KCNAB1: variants seen among roughly 807,000 people sequenced by gnomAD.
The protein encoded by KCNAB1 is potassium voltage-gated channel subfamily A regulatory beta subunit 1, also known as voltage-gated potassium channel subunit beta-1.
A neutral mutation model predicts 64.6 loss-of-function variants in KCNAB1; 35 were observed. That is an observed-to-expected ratio of 0.54 (90% CI 0.41 to 0.72). The LOEUF is 0.72. KCNAB1 is among the 30% of genes least tolerant of loss of function. The probability of loss-of-function intolerance (pLI) is 0.00; values close to 1 mark genes in which losing one functional copy is unlikely to be tolerated. For synonymous variants in KCNAB1, 177 were observed against 183.8 expected (o/e 0.96, Z 0.30); for missense variants, 401 against 512.9 (o/e 0.78, Z 2.11).
chr3:156,296,411 G>A (rs2107977625), intron 1 of KCNAB1, among the ~76,000 whole-genome samples: 1 of 151,070 alleles, frequency 6.6e-6, no homozygotes, highest in Non-Finnish European at 1.5e-5. Flanking sequence ...GGCATATGAT[G>A]GGCCCCATTT....
chr3:156,127,373 T>G (rs1713720426), intron 1 of KCNAB1, among the ~76,000 whole-genome samples: 1 of 152,250 alleles, frequency 6.6e-6, no homozygotes, highest in African/African-American at 2.4e-5. Context: ...CTGTAATTCT[T>G]GTCATGTTTG....
chr3:156,474,793 C>G lies in KCNAB1; in HGVS notation c.631C>G (p.Arg211Gly). 1 of 1,613,036 alleles carries G rather than the reference C, an allele frequency of 6.2e-7. No homozygotes were observed. The highest frequency in any genetic ancestry group is 1.1e-5 in the South Asian group (1 of 91,022). ...LEYVDVVFAN[R>G]PDSNTPMEEI... ...GTATGTGGATGTGGTCTTTGCAAAT[C>G]GACCGGACAGTAACACTCCCATGGA... The change falls in exon 8 of 14, where the codon CGA (arginine) becomes GGA (glycine). Residue 211 changes from arginine (R) to glycine (G), a missense_variant. Coordinates refer to ENST00000490337, the MANE Select transcript of KCNAB1 (RefSeq NM_172160.3).
At chr3:156,213,129 GTGC>G (rs1329349248) in intron 1 of KCNAB1, among the ~76,000 whole-genome samples, 1 of 152,052 alleles carries the variant, frequency 6.6e-6, no homozygotes, top group Non-Finnish European at 1.5e-5. Context: ...AAGGAGGAAG[GTGC>G]TGTCCTCCTG....
chr3:156,386,517 A>G (rs1453470140), intron 1 of KCNAB1, among the ~76,000 whole-genome samples: 3 of 152,232 alleles, frequency 2.0e-5, no homozygotes, highest in African/African-American at 7.2e-5. Context: ...GGTGTGGACC[A>G]TCAGGAAATG....
intron 1 of KCNAB1, among the ~76,000 whole-genome samples, chr3:156,296,715 C>T (rs951047862): frequency 6.6e-5 from 10 of 152,080 alleles, no homozygotes; most frequent in East Asian, 5.8e-4. Context: ...CCTCGTGATC[C>T]GCCCACCTCG....
intron 1 of KCNAB1, among the ~76,000 whole-genome samples, chr3:156,224,064 C>T (rs1228113760): frequency 6.6e-6 from 1 of 152,210 alleles, no homozygotes; most frequent in African/African-American, 2.4e-5. Context: ...TGAGCCCTGC[C>T]CCGTGGGGAG....
At chr3:156,365,366 T>C (rs889847654) in intron 1 of KCNAB1, among the ~76,000 whole-genome samples, 6 of 152,206 alleles carry the variant, frequency 3.9e-5, no homozygotes, top group African/African-American at 1.2e-4. Context: ...ATTTCTATTT[T>C]CTGTATGGCG....
At chr3:156,429,187 G>A (rs2108239215) in intron 2 of KCNAB1, among the ~76,000 whole-genome samples, 1 of 152,298 alleles carries the variant, frequency 6.6e-6, no homozygotes, top group African/African-American at 2.4e-5. Flanking sequence ...GGAAGTATCA[G>A]GGTTGGAATA....
intron 2 of KCNAB1, among the ~76,000 whole-genome samples, chr3:156,450,952 T>C (rs907439810): frequency 6.6e-5 from 10 of 152,040 alleles, no homozygotes; most frequent in African/African-American, 2.2e-4. Context: ...CTCTTCTTTT[T>C]ACACTAAGAA....
chr3:156,348,407 G>A (rs1383337484), intron 1 of KCNAB1, among the ~76,000 whole-genome samples: 1 of 152,162 alleles, frequency 6.6e-6, no homozygotes, highest in African/African-American at 2.4e-5. Context: ...GGCAGTGGGT[G>A]GAGTTGAGAT....
At chr3:156,274,256 C>G (rs1256004819) in intron 1 of KCNAB1, among the ~76,000 whole-genome samples, 1 of 152,104 alleles carries the variant, frequency 6.6e-6, no homozygotes, top group Non-Finnish European at 1.5e-5. Context: ...ACACCAAAAC[C>G]AAGAAGACAT....
At chr3:156,330,232 ACCTTTT>A (rs2108043281) in intron 1 of KCNAB1, among the ~76,000 whole-genome samples, 1 of 152,170 alleles carries the variant, frequency 6.6e-6, no homozygotes, top group Non-Finnish European at 1.5e-5. Context: ...ATAAATTATA[ACCTTTT>A]CCTCAGCTAA....
chr3:156,354,120 G>GTGTATA (rs372765461), intron 1 of KCNAB1, among the ~76,000 whole-genome samples: 2,830 of 132,532 alleles, frequency 0.021, 46 homozygotes, highest in Non-Finnish European at 0.028. Flanking sequence ...ATGTGTGTGT[G>GTGTATA]TATATATATA....
chr3:156,417,571 G>A (rs2108219655), intron 1 of KCNAB1, among the ~76,000 whole-genome samples: 1 of 152,306 alleles, frequency 6.6e-6, no homozygotes, highest in South Asian at 2.1e-4. Flanking sequence ...CGAGAAACAA[G>A]CCATTTAAAA....
At chr3:156,312,707 A>AAAAAAAAC in intron 1 of KCNAB1, among the ~76,000 whole-genome samples, 1 of 140,218 alleles carries the variant, frequency 7.1e-6, no homozygotes, top group East Asian at 2.0e-4. Context: ...TGTCTCCAAA[A>AAAAAAAAC]AAAAAAAAAA....
chr3:156,389,845 C>T (rs1712897845), intron 1 of KCNAB1, among the ~76,000 whole-genome samples: 1 of 152,184 alleles, frequency 6.6e-6, no homozygotes, highest in Non-Finnish European at 1.5e-5. Flanking sequence ...CAGTCTACCA[C>T]TTGTTTTTGT....
chr3:156,181,157 T>G (rs1055729085), intron 1 of KCNAB1, among the ~76,000 whole-genome samples: 1 of 152,142 alleles, frequency 6.6e-6, no homozygotes, highest in Admixed American at 6.5e-5. Context: ...TCTTTAAAGG[T>G]CCTATTTCCA....
rs1350375222 is a variant in KCNAB1, at chr3:156,375,823, C to CT, written c.276-45785dup. Among the ~76,000 whole-genome samples the CT allele has an allele frequency of 2.2e-5, 3 of 135,522 alleles. 1 individual carries two copies. Among genetic ancestry groups the CT allele is most frequent in the African/African-American group, 9.9e-5 (3 of 30,332 alleles). 88.9% of individuals were successfully genotyped at this position (135,522 alleles called of 152,430 possible). On this transcript the variant is annotated intron_variant, in intron 1 of 13. Coordinates refer to ENST00000490337, the MANE Select transcript of KCNAB1 (RefSeq NM_172160.3). ...GTGTCCTACATATTGAAGATTTCTT[C>CT]TTTTTTTTGTGTGTGTGTTGGAGTG...
chr3:156,338,303 C>CTTTTGTTTTTTTTTTT (rs1723860434), intron 1 of KCNAB1, among the ~76,000 whole-genome samples: 1 of 39,488 alleles, frequency 2.5e-5, no homozygotes, highest in Non-Finnish European at 4.8e-5. Context: ...GGCATTTGCA[C>CTTTTGTTTTTTTTTTT]TTTTTTTTTT....
Sources: allele counts gnomAD v4.1 joint callset (sites outside exome capture counted in the v4.1 genomes callset), GRCh38; gene constraint gnomAD v4.1.1; transcripts MANE v1.5; gene names NCBI Gene and HGNC (gene_info 2026-07-23, HGNC 2026-07-21).